Variants in CRPPA observed in about 807,000 individuals in gnomAD.
The protein encoded by CRPPA is D-ribitol-5-phosphate cytidylyltransferase.
CRPPA carries 43 observed loss-of-function variants against 52.0 expected under a neutral mutation model. That is an observed-to-expected ratio of 0.83 (90% CI 0.65 to 1.07). CRPPA has a LOEUF of 1.07. Ranked by LOEUF, CRPPA falls within the 50% of genes least tolerant of loss-of-function variation. The probability of loss-of-function intolerance (pLI) is 0.00; values close to 1 mark genes in which losing one functional copy is unlikely to be tolerated. For missense variants in CRPPA, 629 were observed against 551.7 expected (o/e 1.14, Z -1.40); for synonymous variants, 250 against 203.5 (o/e 1.23, Z -1.94).
chr7:16,214,477 T>G (rs572753535), intron 9 of CRPPA, among the ~76,000 whole-genome samples: 2 of 152,276 alleles, frequency 1.3e-5, no homozygotes, highest in East Asian at 3.9e-4. Flanking sequence ...TTTTTCCCAC[T>G]GTAATAATCT....
At chr7:16,359,421 A>T (rs1490622571) in intron 3 of CRPPA, among the ~76,000 whole-genome samples, 1 of 152,202 alleles carries the variant, frequency 6.6e-6, no homozygotes, top group Non-Finnish European at 1.5e-5. Context: ...TCGTTGGAAG[A>T]ATGTCAGAGC....
chr7:16,112,876 C>CT (rs552279882), intron 9 of CRPPA, among the ~76,000 whole-genome samples: 8 of 151,872 alleles, frequency 5.3e-5, no homozygotes, highest in East Asian at 3.9e-4. Context: ...AATATATAGA[C>CT]TTTTTTTTCC....
chr7:16,403,356 A>T (rs763020807), intron 2 of CRPPA, among the ~76,000 whole-genome samples: 7 of 152,180 alleles, frequency 4.6e-5, no homozygotes, highest in Non-Finnish European at 8.8e-5. Context: ...AATCGTGGAT[A>T]TCTGAGTCTC....
At chr7:16,115,060 A>T (rs1479055931) in intron 9 of CRPPA, among the ~76,000 whole-genome samples, 1 of 152,112 alleles carries the variant, frequency 6.6e-6, no homozygotes, top group Non-Finnish European at 1.5e-5. Context: ...CTCCAAAAAA[A>T]TAATTAGAAT....
intron 9 of CRPPA, among the ~76,000 whole-genome samples, chr7:16,121,218 T>C (rs1782474200): frequency 6.6e-6 from 1 of 152,108 alleles, no homozygotes; most frequent in African/African-American, 2.4e-5. Context: ...AACATGCTTT[T>C]AAATGATTAT....
intron 3 of CRPPA, among the ~76,000 whole-genome samples, chr7:16,367,111 C>G (rs1221152859): frequency 5.9e-5 from 9 of 152,140 alleles, no homozygotes; most frequent in Non-Finnish European, 1.2e-4. Flanking sequence ...TGTTCTTTCA[C>G]TCACCCTCCT....
chr7:16,357,926 C>T (rs984031337), intron 3 of CRPPA, among the ~76,000 whole-genome samples: 2 of 152,162 alleles, frequency 1.3e-5, no homozygotes, highest in Admixed American at 6.5e-5. Context: ...GTGTCAGAAA[C>T]CGCAAATGCC....
intron 8 of CRPPA, among the ~76,000 whole-genome samples, chr7:16,218,376 G>T (rs1188131259): frequency 7.7e-6 from 1 of 129,402 alleles, no homozygotes; most frequent in African/African-American, 2.9e-5. Context: ...GGAAGAAACT[G>T]CATCAACTAA....
At chr7:16,389,533 A>C (rs73306479) in intron 2 of CRPPA, among the ~76,000 whole-genome samples, 11,216 of 152,144 alleles carry the variant, frequency 0.074, 498 homozygotes, top group Admixed American at 0.12. Flanking sequence ...GGTGCATAGA[A>C]CTCATCTGAC....
At chr7:16,239,169 G>A (rs1300025581) in intron 8 of CRPPA, among the ~76,000 whole-genome samples, 1 of 134,358 alleles carries the variant, frequency 7.4e-6, no homozygotes, top group Non-Finnish European at 1.6e-5. Flanking sequence ...CCATTTAGAT[G>A]CCATCAAAGG....
At chr7:16,230,007 C>T (rs4719461) in intron 8 of CRPPA, among the ~76,000 whole-genome samples, 30,922 of 151,830 alleles carry the variant, frequency 0.2, 3,866 homozygotes, top group South Asian at 0.42. Context: ...AAGTCTGCTG[C>T]TAGCTATATT....
chr7:16,397,996 C>G (rs1337914739), intron 2 of CRPPA, among the ~76,000 whole-genome samples: 2 of 152,246 alleles, frequency 1.3e-5, no homozygotes, highest in Admixed American at 1.3e-4. Context: ...ACCTAACCAA[C>G]ATGTGACTGA....
chr7:16,150,688 G>T (rs1317330522), intron 9 of CRPPA, among the ~76,000 whole-genome samples: 1 of 152,182 alleles, frequency 6.6e-6, no homozygotes, highest in Non-Finnish European at 1.5e-5. Flanking sequence ...AAGATGCCTT[G>T]TCTTAGTCCA....
chr7:16,408,991 T>G (rs1417937432), intron 1 of CRPPA, among the ~76,000 whole-genome samples: 1 of 152,170 alleles, frequency 6.6e-6, no homozygotes, highest in Non-Finnish European at 1.5e-5. Flanking sequence ...AACCTCTGAC[T>G]CCCAAGTTCA....
At chr7:16,388,875 C>T (rs950559843) in intron 2 of CRPPA, among the ~76,000 whole-genome samples, 1 of 151,784 alleles carries the variant, frequency 6.6e-6, no homozygotes, top group Admixed American at 6.6e-5. Flanking sequence ...GACTCCATCT[C>T]AAACCAACAA....
intron 3 of CRPPA, among the ~76,000 whole-genome samples, chr7:16,362,227 T>G (rs1368167407): frequency 2.6e-5 from 4 of 152,152 alleles, no homozygotes; most frequent in Non-Finnish European, 5.9e-5. Context: ...ACAGACCGGG[T>G]AGTTTACCAA....
At chr7:16,138,853 G>C (rs1448911551) in intron 9 of CRPPA, among the ~76,000 whole-genome samples, 1 of 152,152 alleles carries the variant, frequency 6.6e-6, no homozygotes, top group Non-Finnish European at 1.5e-5. Flanking sequence ...CCAGGCAAGA[G>C]TGCAATGGCA....
chr7:16,281,588 T>C (rs1784321301), intron 5 of CRPPA, among the ~76,000 whole-genome samples: 1 of 152,186 alleles, frequency 6.6e-6, no homozygotes, highest in Admixed American at 6.5e-5. Context: ...CCCTGTCATA[T>C]TGTCATTAAG....
chr7:16,241,082 G>T (rs1200234722), intron 8 of CRPPA, among the ~76,000 whole-genome samples: 3 of 152,104 alleles, frequency 2.0e-5, no homozygotes, highest in Non-Finnish European at 4.4e-5. Flanking sequence ...GATTGATTCA[G>T]TTGCTGGCTC....
Sources: gnomAD v4.1 joint callset for allele counts (sites outside exome capture counted in the v4.1 genomes callset) on GRCh38, gnomAD v4.1.1 for gene constraint, MANE v1.5 for transcripts, NCBI Gene and HGNC (gene_info 2026-07-23, HGNC 2026-07-21) for gene names.